Variants in DYSF observed in about 807,000 individuals in gnomAD.
DYSF encodes dysferlin, also known as dystrophy-associated fer-1-like 1.
In DYSF, 212 loss-of-function variants were observed where a neutral mutation model predicts 274.9. The observed-to-expected ratio is 0.77, with a 90% CI of 0.69 to 0.86. The LOEUF (loss-of-function observed/expected upper bound fraction) is 0.86. Ranked by LOEUF, DYSF falls within the 40% of genes least tolerant of loss-of-function variation. The probability of loss-of-function intolerance (pLI) is 0.00; values close to 1 mark genes in which losing one functional copy is unlikely to be tolerated. For synonymous variants in DYSF, 1,091 were observed against 1,078.7 expected (o/e 1.01, Z -0.22); for missense variants, 2,666 against 2,783.2 (o/e 0.96, Z 0.95).
chr2:71,495,989 C>T (rs1458064483), intron 3 of DYSF, among the ~76,000 whole-genome samples: 2 of 151,914 alleles, frequency 1.3e-5, no homozygotes, highest in Non-Finnish European at 2.9e-5. Context: ...GGGTCTCTGC[C>T]AGCTACCGTG....
At chr2:71,476,990 T>C (rs1484880188) in intron 1 of DYSF, among the ~76,000 whole-genome samples, 1 of 152,048 alleles carries the variant, frequency 6.6e-6, no homozygotes, top group Non-Finnish European at 1.5e-5. Flanking sequence ...AATCAAAAAA[T>C]TTGAGCTTTT....
intron 3 of DYSF, among the ~76,000 whole-genome samples, chr2:71,491,113 C>T (rs529606569): frequency 3.9e-5 from 6 of 152,220 alleles, no homozygotes; most frequent in Admixed American, 6.5e-5. Context: ...GCTAGTAGAA[C>T]GGACCAAAAA....
At chr2:71,472,841 T>C (rs564843239) in intron 1 of DYSF, among the ~76,000 whole-genome samples, 2 of 152,372 alleles carry the variant, frequency 1.3e-5, no homozygotes, top group South Asian at 4.1e-4. Flanking sequence ...TTGCAAGTGC[T>C]CTTTATGTAT....
At chr2:71,539,444 A>G (rs141816165) in intron 17 of DYSF, among the ~76,000 whole-genome samples, 1 of 152,324 alleles carries the variant, frequency 6.6e-6, no homozygotes, top group African/African-American at 2.4e-5. Flanking sequence ...ATTGTGGGAT[A>G]TGCCACTGAA....
At chr2:71,669,416 G>A (rs992947361) in intron 50 of DYSF, among the ~76,000 whole-genome samples, 189 bp from the exon 51 acceptor site, 2 of 152,194 alleles carry the variant, frequency 1.3e-5, no homozygotes, top group Non-Finnish European at 2.9e-5. Context: ...GAACTTACAA[G>A]TTTAGTGGCT....
rs1231746783 is a variant in DYSF, at chr2:71,578,018, A to T, written c.3402+3647A>T. On this transcript the variant is annotated intron_variant, in intron 30 of 55. Transcript: ENST00000410020. ...CACTCATGCCATTAGCAACTCTGTT[A>T]CCTCACTCGTGCAAGTAACTGAATC... Among the ~76,000 whole-genome samples the T allele has an allele frequency of 3.9e-5, 6 of 152,258 alleles. No homozygotes were observed. In the East Asian group the frequency reaches 9.7e-4, roughly 25 times the overall value.
chr2:71,589,837 G>T, intron 31 of DYSF, 151 bp downstream of exon 31: 3 of 790,864 alleles, frequency 3.8e-6, no homozygotes, highest in Non-Finnish European at 4.4e-6. Context: ...GTGTATGTGT[G>T]TGTGTGTGCG....
chr2:71,483,338 C>T (rs1001122286), intron 3 of DYSF, among the ~76,000 whole-genome samples: 2 of 152,228 alleles, frequency 1.3e-5, no homozygotes, highest in Non-Finnish European at 2.9e-5. Flanking sequence ...CAGCCGCTAA[C>T]AAGCATGAAT....
At chr2:71,544,483 GA>G (rs1223899133) in intron 17 of DYSF, among the ~76,000 whole-genome samples, 1 of 126,466 alleles carries the variant, frequency 7.9e-6, no homozygotes, top group African/African-American at 2.9e-5. Flanking sequence ...TTTTGAGATG[GA>G]GTCTTGCTCT....
chr2:71,613,125 G>A (rs1574352306), intron 39 of DYSF, among the ~76,000 whole-genome samples: 1 of 152,160 alleles, frequency 6.6e-6, no homozygotes, highest in Admixed American at 6.5e-5. Context: ...GAGGAAGACA[G>A]AAGTGGGAGA....
chr2:71,493,554 A>G (rs1234602909), intron 3 of DYSF, among the ~76,000 whole-genome samples: 1 of 152,244 alleles, frequency 6.6e-6, no homozygotes, highest in East Asian at 1.9e-4. Flanking sequence ...GGAGGTAAAG[A>G]AACACAAAGG....
chr2:71,601,662 C>A, intron 35 of DYSF, 134 bp downstream of exon 35: 1 of 1,187,106 alleles, frequency 8.4e-7, no homozygotes, highest in Non-Finnish European at 1.2e-6. Flanking sequence ...CTCTTTCAAG[C>A]AGAGGAGGGC....
chr2:71,488,586 G>A (rs545037059), intron 3 of DYSF, among the ~76,000 whole-genome samples: 3 of 152,268 alleles, frequency 2.0e-5, no homozygotes, highest in South Asian at 4.1e-4. Context: ...ATTAATCATC[G>A]TTTCTCTGAG....
At chr2:71,488,491 G>C (rs1247389161) in intron 3 of DYSF, among the ~76,000 whole-genome samples, 1 of 152,108 alleles carries the variant, frequency 6.6e-6, no homozygotes, top group South Asian at 2.1e-4. Flanking sequence ...CAAGACAGGG[G>C]GCCCAGATGC....
At chr2:71,468,772 C>G (rs2081737282) in intron 1 of DYSF, among the ~76,000 whole-genome samples, 1 of 152,192 alleles carries the variant, frequency 6.6e-6, no homozygotes, top group South Asian at 2.1e-4. Flanking sequence ...CAGCACCTTG[C>G]TAGGGATGCT....
At chr2:71,486,105 TTGG>T (rs2083338308) in intron 3 of DYSF, among the ~76,000 whole-genome samples, 1 of 152,124 alleles carries the variant, frequency 6.6e-6, no homozygotes, top group South Asian at 2.1e-4. Flanking sequence ...GCCTCTCCAG[TTGG>T]TGGGTTCCAG....
chr2:71,613,124 A>T (rs2093804232), intron 39 of DYSF, among the ~76,000 whole-genome samples: 1 of 152,132 alleles, frequency 6.6e-6, no homozygotes. Context: ...AGAGGAAGAC[A>T]GAAGTGGGAG....
chr2:71,587,565 T>C (rs1400389525), intron 30 of DYSF, among the ~76,000 whole-genome samples: 2 of 152,254 alleles, frequency 1.3e-5, no homozygotes, highest in Non-Finnish European at 2.9e-5. Context: ...GAGCATTTAC[T>C]GTGAACCAGG....
intron 12 of DYSF, among the ~76,000 whole-genome samples, chr2:71,524,517 G>A (rs2087640812): frequency 6.6e-6 from 1 of 152,192 alleles, no homozygotes; most frequent in Non-Finnish European, 1.5e-5. Flanking sequence ...TGGGATTGAG[G>A]GTTTTGCAGC....
Sources: allele counts gnomAD v4.1 joint callset (sites outside exome capture counted in the v4.1 genomes callset), GRCh38; gene constraint gnomAD v4.1.1; transcripts MANE v1.5; gene names NCBI Gene and HGNC (gene_info 2026-07-23, HGNC 2026-07-21).